The following ATG5 variants were observed in gnomAD, a reference collection of about 807,000 sequenced individuals.
ATG5 encodes autophagy related 5.
A neutral mutation model predicts 36.5 loss-of-function variants in ATG5; 14 were observed. That is an observed-to-expected ratio of 0.38 (90% CI 0.25 to 0.60). The LOEUF (loss-of-function observed/expected upper bound fraction) is 0.60, where lower values mean the gene tolerates loss of function less well. Among genes scored for constraint, ATG5 ranks in the 20% least tolerant of loss-of-function variants. ATG5 has a pLI of 0.60. For synonymous variants in ATG5, 95 were observed against 101.5 expected (o/e 0.94, Z 0.38); for missense variants, 195 against 326.7 (o/e 0.60, Z 3.11).
In ATG5 at chr6:106,186,169, C is replaced by T. The variant is rs1285338965; in HGVS notation, c.*371G>A. ...TCCACTTTCATGAGCTAAAGTTCAA[C>T]CATGGTCACCTTAGGAAATACCCCT... On this transcript the variant is annotated 3_prime_UTR_variant, in exon 8 of 8. Transcript: ENST00000369076. 1 of 172,290 alleles carries T rather than the reference C, an allele frequency of 5.8e-6. No individual in the cohort carries two copies. Among genetic ancestry groups the T allele is most frequent in the Non-Finnish European group, 1.2e-5 (1 of 81,330 alleles). The allele number at this position is 172,290 out of a possible 1,614,324, so 10.7% of individuals were successfully genotyped here. A position where few individuals can be genotyped will look rare whatever the true frequency, so the allele number is the denominator to read the frequency against.
At chr6:106,202,932 G>A (rs1031971207) in intron 6 of ATG5, among the ~76,000 whole-genome samples, 1 of 152,202 alleles carries the variant, frequency 6.6e-6, no homozygotes, top group African/African-American at 2.4e-5. Context: ...CAGAGTGTTA[G>A]GGTTACAGGC....
At chr6:106,224,957 T>C (rs1214070154) in intron 6 of ATG5, among the ~76,000 whole-genome samples, 1 of 152,196 alleles carries the variant, frequency 6.6e-6, no homozygotes, top group Non-Finnish European at 1.5e-5. Context: ...ACCAGATATG[T>C]TCCACTGGTC....
At chr6:106,286,758 A>G (rs1196000607) in intron 4 of ATG5, among the ~76,000 whole-genome samples, 1 of 152,210 alleles carries the variant, frequency 6.6e-6, no homozygotes, top group Non-Finnish European at 1.5e-5. Flanking sequence ...ACATGACAAG[A>G]ACTTCACATG....
chr6:106,282,889 C>T (rs1038754227), intron 4 of ATG5, among the ~76,000 whole-genome samples: 8 of 151,994 alleles, frequency 5.3e-5, no homozygotes, highest in East Asian at 1.9e-4. Context: ...GGGGCCCAAG[C>T]GATCCTCCCA....
chr6:106,204,168 C>T (rs113348073), intron 6 of ATG5, among the ~76,000 whole-genome samples: 17,393 of 151,974 alleles, frequency 0.11, 1,081 homozygotes, highest in African/African-American at 0.16. Context: ...ATGGCACATG[C>T]ATATCTATGT....
At chr6:106,321,988 T>C (rs1771096535) in intron 1 of ATG5, among the ~76,000 whole-genome samples, 1 of 152,204 alleles carries the variant, frequency 6.6e-6, no homozygotes, top group East Asian at 1.9e-4. Context: ...CAAATCAGTA[T>C]AGTCGCACTT....
chr6:106,244,263 C>G (rs748527557), intron 6 of ATG5, among the ~76,000 whole-genome samples: 1 of 152,068 alleles, frequency 6.6e-6, no homozygotes, highest in Non-Finnish European at 1.5e-5. Flanking sequence ...TTAAGAATAA[C>G]ATGTAGAACA....
At chr6:106,306,792 T>C (rs562249285) in intron 3 of ATG5, among the ~76,000 whole-genome samples, 2 of 152,160 alleles carry the variant, frequency 1.3e-5, no homozygotes, top group East Asian at 3.9e-4. Context: ...TAATAATTGT[T>C]GCTCTGTTTA....
chr6:106,222,658 T>G (rs1777296199), intron 6 of ATG5, among the ~76,000 whole-genome samples: 1 of 152,170 alleles, frequency 6.6e-6, no homozygotes, highest in African/African-American at 2.4e-5. Context: ...AGTAATGAAC[T>G]TAATATATGA....
chr6:106,186,811 C>A, intron 7 of ATG5, 135 bp from the exon 8 acceptor site: 1 of 1,031,630 alleles, frequency 9.7e-7, no homozygotes, highest in Non-Finnish European at 1.4e-6. Context: ...GAAATGTGGA[C>A]ATGGAGAAAG....
chr6:106,254,615 T>C (rs1778729958), intron 5 of ATG5, among the ~76,000 whole-genome samples: 1 of 152,252 alleles, frequency 6.6e-6, no homozygotes, highest in South Asian at 2.1e-4. Flanking sequence ...TTGTCATTTA[T>C]TTAATAGTTG....
chr6:106,232,482 T>C (rs1046042815), intron 6 of ATG5, among the ~76,000 whole-genome samples: 10 of 152,040 alleles, frequency 6.6e-5, no homozygotes, highest in African/African-American at 2.4e-4. Flanking sequence ...GAGGAAGGAA[T>C]TAATCTTGAA....
chr6:106,238,599 T>C (rs1476992209), intron 6 of ATG5, among the ~76,000 whole-genome samples: 3 of 152,136 alleles, frequency 2.0e-5, no homozygotes, highest in South Asian at 2.1e-4. Flanking sequence ...TGGGAGGAAC[T>C]AGCAGGCATA....
chr6:106,195,065 C>T (rs897675304), intron 7 of ATG5, among the ~76,000 whole-genome samples: 2 of 151,962 alleles, frequency 1.3e-5, no homozygotes, highest in Non-Finnish European at 2.9e-5. Flanking sequence ...TAGCCATTTA[C>T]AAAAAAAGAA....
intron 7 of ATG5, among the ~76,000 whole-genome samples, chr6:106,198,454 A>G (rs1776288600): frequency 6.6e-6 from 1 of 152,210 alleles, no homozygotes; most frequent in African/African-American, 2.4e-5. Context: ...GGAATTCACC[A>G]AAATTAAATG....
chr6:106,271,349 T>C (rs1779444670), intron 5 of ATG5, among the ~76,000 whole-genome samples: 1 of 152,214 alleles, frequency 6.6e-6, no homozygotes, highest in Non-Finnish European at 1.5e-5. Flanking sequence ...GGGAGCTGAT[T>C]AGGTCATAAG....
intron 5 of ATG5, among the ~76,000 whole-genome samples, chr6:106,276,300 T>C (rs1172129954): frequency 6.6e-6 from 1 of 151,932 alleles, no homozygotes; most frequent in African/African-American, 2.4e-5. Context: ...CCGTCTCTAC[T>C]AAAAATACAA....
At chr6:106,187,632 GA>G (rs1046174888) in intron 7 of ATG5, among the ~76,000 whole-genome samples, 3 of 152,038 alleles carry the variant, frequency 2.0e-5, no homozygotes, top group Non-Finnish European at 4.4e-5. Context: ...AGACAACAAG[GA>G]AACAGGGAAT....
At chr6:106,211,336 C>T (rs746287601) in intron 6 of ATG5, among the ~76,000 whole-genome samples, 18 of 152,186 alleles carry the variant, frequency 1.2e-4, no homozygotes, top group Admixed American at 3.3e-4. Flanking sequence ...AAGCCAAGCA[C>T]GGATGGAGGT....
Sources: allele counts gnomAD v4.1 joint callset (sites outside exome capture counted in the v4.1 genomes callset), GRCh38; gene constraint gnomAD v4.1.1; transcripts MANE v1.5; gene names NCBI Gene and HGNC (gene_info 2026-07-23, HGNC 2026-07-21).